The following MGAT5 variants were observed in gnomAD, a reference collection of about 807,000 sequenced individuals.
MGAT5 encodes alpha-1,6-mannosylglycoprotein 6-beta-N-acetylglucosaminyltransferase A.
Under a neutral mutation model 94.3 loss-of-function variants are expected in MGAT5, and 30 were observed. The ratio of observed to expected loss-of-function variants is 0.32; its 90% CI spans 0.24 to 0.43. MGAT5 has a LOEUF of 0.43. Among genes scored for constraint, MGAT5 ranks in the 20% least tolerant of loss-of-function variants. The probability of loss-of-function intolerance (pLI) is 1.00; values close to 1 mark genes in which losing one functional copy is unlikely to be tolerated. For synonymous variants in MGAT5, 310 were observed against 322.9 expected (o/e 0.96, Z 0.43); for missense variants, 691 against 905.5 (o/e 0.76, Z 3.04).
At chr2:134,354,495 G>A (rs982808938) in intron 9 of MGAT5, among the ~76,000 whole-genome samples, 2 of 152,196 alleles carry the variant, frequency 1.3e-5, no homozygotes, top group Non-Finnish European at 2.9e-5. Context: ...GAATGTGTTT[G>A]CGTTCTTAAA....
intron 2 of MGAT5, among the ~76,000 whole-genome samples, chr2:134,295,320 G>A (rs910746614): frequency 5.9e-5 from 9 of 152,166 alleles, no homozygotes; most frequent in African/African-American, 1.9e-4. Context: ...AAGTGACTAA[G>A]GTTGGCAGTG....
At chr2:134,149,253 T>C (rs1025038395) in intron 1 of MGAT5, among the ~76,000 whole-genome samples, 6 of 152,160 alleles carry the variant, frequency 3.9e-5, no homozygotes, top group African/African-American at 1.4e-4. Flanking sequence ...TAGGTGGAGA[T>C]AAAGAAAGCT....
chr2:134,130,026 C>T (rs1686054142), intron 1 of MGAT5, among the ~76,000 whole-genome samples: 1 of 152,186 alleles, frequency 6.6e-6, no homozygotes, highest in Non-Finnish European at 1.5e-5. Context: ...GGGCCCCGCA[C>T]TCGGAGCGGC....
intron 1 of MGAT5, among the ~76,000 whole-genome samples, chr2:134,153,579 TG>T (rs1053394276): frequency 2.0e-5 from 3 of 152,300 alleles, no homozygotes; most frequent in Admixed American, 1.3e-4. Context: ...CTGAAGAGGC[TG>T]GAAACGTAAT....
chr2:134,133,275 A>G (rs1436723914), intron 1 of MGAT5, among the ~76,000 whole-genome samples: 1 of 152,242 alleles, frequency 6.6e-6, no homozygotes, highest in Non-Finnish European at 1.5e-5. Flanking sequence ...AATTTTTTTA[A>G]AACTCAGATT....
rs533532443 is a variant in MGAT5, at chr2:134,131,622, G to A, written c.-143+11331G>A. On this transcript the variant is annotated intron_variant, in intron 1 of 16. Transcript: ENST00000409645. ...TTTTTACTATTGGCCTCTGTTAATG[G>A]CCTCCCTGAACTCCCTGTATCCACT... Among the ~76,000 whole-genome samples, 111 of 125,276 alleles carry A rather than the reference G, an allele frequency of 8.9e-4. 1 individual carries two copies. The highest frequency in any genetic ancestry group is 2.7e-3 in the African/African-American group (90 of 33,106). The allele number at this position is 125,276 out of a possible 152,430, so 82.2% of individuals were successfully genotyped here.
intron 1 of MGAT5, among the ~76,000 whole-genome samples, chr2:134,194,655 C>T (rs1424395113): frequency 1.3e-5 from 2 of 152,158 alleles, no homozygotes; most frequent in South Asian, 4.2e-4. Context: ...TTCTCTCCCT[C>T]CCCCGGGAGG....
At chr2:134,368,013 G>T (rs1010923654) in intron 10 of MGAT5, among the ~76,000 whole-genome samples, 3 of 139,534 alleles carry the variant, frequency 2.2e-5, no homozygotes, top group East Asian at 4.2e-4. Flanking sequence ...GGCTCAAGGA[G>T]GGGGAGTGAC....
intron 6 of MGAT5, among the ~76,000 whole-genome samples, 168 bp downstream of exon 6, chr2:134,338,588 C>A (rs547509586): frequency 3.2e-4 from 49 of 152,208 alleles, no homozygotes; most frequent in Non-Finnish European, 6.3e-4. Context: ...TCCCCACTTA[C>A]AATGCTCCCA....
At chr2:134,261,481 T>G (rs1683330170) in intron 1 of MGAT5, among the ~76,000 whole-genome samples, 1 of 152,194 alleles carries the variant, frequency 6.6e-6, no homozygotes, top group Non-Finnish European at 1.5e-5. Context: ...CGCCTGTCTT[T>G]GAGCGTCTGC....
chr2:134,184,746 T>C (rs994120674), intron 1 of MGAT5, among the ~76,000 whole-genome samples: 2 of 151,898 alleles, frequency 1.3e-5, no homozygotes, highest in African/African-American at 2.4e-5. Flanking sequence ...CCCTACTACA[T>C]TTTGAGAGCA....
At chr2:134,247,365 AAAAAAAAAAC>A (rs1376082730) in intron 1 of MGAT5, among the ~76,000 whole-genome samples, 2 of 148,298 alleles carry the variant, frequency 1.3e-5, no homozygotes, top group Non-Finnish European at 3.0e-5. Context: ...GAATTAAAAA[AAAAAAAAAAC>A]AAAAAAAAAA....
intron 1 of MGAT5, among the ~76,000 whole-genome samples, chr2:134,145,150 T>C (rs1398600727): frequency 6.6e-6 from 1 of 152,102 alleles, no homozygotes; most frequent in Non-Finnish European, 1.5e-5. Flanking sequence ...TGGATATGCA[T>C]TGATGTTTTC....
At chr2:134,393,260 T>C (rs1682519474) in intron 10 of MGAT5, among the ~76,000 whole-genome samples, 1 of 152,090 alleles carries the variant, frequency 6.6e-6, no homozygotes, top group Admixed American at 6.5e-5. Context: ...TACACAAATA[T>C]GGATAGGGCC....
chr2:134,257,211 A>C (rs777203533), intron 1 of MGAT5, among the ~76,000 whole-genome samples: 3 of 152,174 alleles, frequency 2.0e-5, no homozygotes, highest in Non-Finnish European at 4.4e-5. Context: ...GATGTTATCA[A>C]GCAGATAACT....
At chr2:134,416,568 C>T (rs996526505) in intron 12 of MGAT5, among the ~76,000 whole-genome samples, 22 of 150,946 alleles carry the variant, frequency 1.5e-4, no homozygotes, top group Admixed American at 1.5e-3. Flanking sequence ...AACTCCTGGG[C>T]TCTAGTGATA....
intron 10 of MGAT5, among the ~76,000 whole-genome samples, chr2:134,375,239 T>G (rs1381941957): frequency 2.6e-5 from 4 of 152,220 alleles, no homozygotes; most frequent in Admixed American, 6.5e-5. Context: ...AGGTAAAGGT[T>G]CCTCAGGTGG....
intron 1 of MGAT5, among the ~76,000 whole-genome samples, chr2:134,201,038 C>T (rs1679762236): frequency 6.6e-6 from 1 of 152,016 alleles, no homozygotes; most frequent in Non-Finnish European, 1.5e-5. Context: ...CCTCAGCCTC[C>T]TGAGTAGCTG....
intron 10 of MGAT5, among the ~76,000 whole-genome samples, chr2:134,366,441 A>G (rs1301097184): frequency 1.3e-5 from 2 of 152,212 alleles, no homozygotes; most frequent in Admixed American, 1.3e-4. Flanking sequence ...TCTTAATACA[A>G]GATAATACAT....
Sources: allele counts gnomAD v4.1 joint callset (sites outside exome capture counted in the v4.1 genomes callset), GRCh38; gene constraint gnomAD v4.1.1; transcripts MANE v1.5; gene names NCBI Gene and HGNC (gene_info 2026-07-23, HGNC 2026-07-21).